The following SNX6 variants were observed in gnomAD, a reference collection of about 807,000 sequenced individuals.
The protein encoded by SNX6 is sorting nexin 6, also known as sorting nexin-6.
SNX6 carries 34 observed loss-of-function variants against 63.0 expected under a neutral mutation model. The ratio of observed to expected loss-of-function variants is 0.54; its 90% CI spans 0.41 to 0.72. The LOEUF (loss-of-function observed/expected upper bound fraction) is 0.72. SNX6 is among the 30% of genes least tolerant of loss of function. SNX6 has a pLI of 0.00. For missense variants in SNX6, 398 were observed against 471.4 expected (o/e 0.84, Z 1.44); for synonymous variants, 170 against 164.2 (o/e 1.04, Z -0.27).
chr14:34,580,660 C>CT lies in SNX6; in HGVS notation c.834+900_834+901insA, dbSNP rs1404998451. Among the ~76,000 whole-genome samples the CT allele has an allele frequency of 7.4e-5, 11 of 149,040 alleles. No individual in the cohort carries two copies. In the East Asian group the frequency reaches 2.2e-3, roughly 30 times the overall value. On this transcript the variant is annotated intron_variant, in intron 10 of 13. Coordinates refer to ENST00000362031, the MANE Select transcript of SNX6 (RefSeq NM_152233.4). ...TGTTTATCTGTTCCAGGAGGGATTCCATTTTTTTTTTTTTTTAGAGACAGG... is the reference window on the plus strand; with the variant it reads ...TGTTTATCTGTTCCAGGAGGGATTCCTATTTTTTTTTTTTTTTAGAGACAGG...
chr14:34,571,370 T>C (rs1881445442), intron 11 of SNX6, among the ~76,000 whole-genome samples: 1 of 151,728 alleles, frequency 6.6e-6, no homozygotes, highest in Non-Finnish European at 1.5e-5. Context: ...GAAATGGAGA[T>C]TACAGTGAGC....
At chr14:34,565,556 G>A (rs575159217) in intron 13 of SNX6, among the ~76,000 whole-genome samples, 34 of 151,910 alleles carry the variant, frequency 2.2e-4, no homozygotes, top group African/African-American at 8.2e-4. Context: ...TCACTCTGTC[G>A]CCCAAGCTGG....
At chr14:34,576,278 T>G (rs1173378246) in intron 10 of SNX6, among the ~76,000 whole-genome samples, 2 of 151,954 alleles carry the variant, frequency 1.3e-5, no homozygotes, top group Non-Finnish European at 2.9e-5. Flanking sequence ...ATTATTATAG[T>G]TTAAAAAATT....
chr14:34,607,090 T>C (rs963773578), intron 4 of SNX6, among the ~76,000 whole-genome samples: 1 of 152,022 alleles, frequency 6.6e-6, no homozygotes, highest in Non-Finnish European at 1.5e-5. Flanking sequence ...AACCATGGTT[T>C]TAAAACCAGT....
chr14:34,597,195 T>C (rs1882639120), intron 7 of SNX6, among the ~76,000 whole-genome samples: 1 of 152,156 alleles, frequency 6.6e-6, no homozygotes, highest in Non-Finnish European at 1.5e-5. Flanking sequence ...TAACCACTCA[T>C]GGAATACACG....
At position 34,603,398 on chromosome 14, in the gene SNX6, T is replaced by C. The variant is rs530960694; in HGVS notation, c.466A>G (p.Ile156Val). The C allele has an allele frequency of 6.8e-6, 11 of 1,610,348 alleles. No homozygotes were observed. Among genetic ancestry groups the C allele is most frequent in the East Asian group, 4.5e-5 (2 of 44,734 alleles). The stretch of plus-strand genomic sequence containing the variant: ...TGGAAATTTAAATCTCTTCTCAAAA[T>C]AGGATGTGCTGCCACACGACACAGG... ...VFLCRVAAHP[I>V]LRRDLNFHVF... is the part of the protein sequence containing the mutation. The change falls in exon 6 of 14, where the codon ATT becomes GTT. Residue 156 changes from isoleucine (I) to valine (V), a missense_variant. Physicochemically the swap from Ile to Val is conservative, Grantham distance 29. Coordinates refer to ENST00000362031, the MANE Select transcript of SNX6 (RefSeq NM_152233.4).
chr14:34,602,829 A>C (rs1882872884), intron 6 of SNX6, among the ~76,000 whole-genome samples: 1 of 150,132 alleles, frequency 6.7e-6, no homozygotes, highest in Non-Finnish European at 1.5e-5. Flanking sequence ...ACAAAAAATT[A>C]GCAGGGCATA....
Position 34,603,401 on chromosome 14 carries a change from G to A in SNX6, c.463C>T (p.Pro155Ser). 1 of 1,609,916 alleles carries A rather than the reference G, an allele frequency of 6.2e-7. No individual in the cohort carries two copies. Among genetic ancestry groups the A allele is most frequent in the Non-Finnish European group, 8.5e-7 (1 of 1,177,776 alleles). The change falls in exon 6 of 14, where the codon CCT becomes TCT. Residue 155 changes from proline (P) to serine (S), a missense_variant. Coordinates refer to ENST00000362031, the MANE Select transcript of SNX6 (RefSeq NM_152233.4). ...AAATTTAAATCTCTTCTCAAAATAG[G>A]ATGTGCTGCCACACGACACAGGAAC... is the stretch of plus-strand genomic sequence containing the variant. ...EVFLCRVAAHPILRRDLNFHV... is the reference protein window; with the variant it reads ...EVFLCRVAAHSILRRDLNFHV...
chr14:34,578,394 G>A (rs894907911), intron 10 of SNX6, among the ~76,000 whole-genome samples: 1 of 151,896 alleles, frequency 6.6e-6, no homozygotes, highest in Non-Finnish European at 1.5e-5. Context: ...CATTTTGGGA[G>A]GCTGAGGTGG....
chr14:34,584,523 C>T (rs1383797162), intron 9 of SNX6, among the ~76,000 whole-genome samples: 1 of 151,900 alleles, frequency 6.6e-6, no homozygotes, highest in South Asian at 2.1e-4. Context: ...GAGCAAGACA[C>T]CGTCTTCCGG....
chr14:34,599,605 C>CT (rs1172306091), intron 6 of SNX6, among the ~76,000 whole-genome samples: 4 of 143,716 alleles, frequency 2.8e-5, no homozygotes, highest in African/African-American at 1.0e-4. Flanking sequence ...GAAACTCTGT[C>CT]TAAAAAAAAA....
chr14:34,624,867 T>C (rs1440719220), intron 2 of SNX6, among the ~76,000 whole-genome samples: 1 of 152,224 alleles, frequency 6.6e-6, no homozygotes, highest in Non-Finnish European at 1.5e-5. Context: ...TTGAATGTGC[T>C]GTCCCCTTTG....
At chr14:34,598,420 T>C (rs1294578351) in intron 6 of SNX6, among the ~76,000 whole-genome samples, 1 of 152,190 alleles carries the variant, frequency 6.6e-6, no homozygotes, top group Admixed American at 6.5e-5. Context: ...AGACACTGTC[T>C]CCCTCTGTCA....
chr14:34,610,943 C>T (rs1883203957), intron 2 of SNX6, among the ~76,000 whole-genome samples: 1 of 152,058 alleles, frequency 6.6e-6, no homozygotes, highest in East Asian at 1.9e-4. Flanking sequence ...AATGCAAATA[C>T]AAAATTGTTT....
At chr14:34,624,813 T>G (rs34978749) in intron 2 of SNX6, among the ~76,000 whole-genome samples, 59,892 of 151,694 alleles carry the variant, frequency 0.39, 13,118 homozygotes, top group East Asian at 0.73. Context: ...AAAAAAATTT[T>G]TTTTGCTTAC....
At chr14:34,604,365 T>A in intron 5 of SNX6, 1 of 1,054,860 alleles carries the variant, frequency 9.5e-7, no homozygotes, top group South Asian at 1.9e-5. Context: ...TTCAGTCTTA[T>A]AAACTTTGAA....
intron 2 of SNX6, among the ~76,000 whole-genome samples, chr14:34,619,304 C>A (rs1299494731): frequency 3.3e-5 from 5 of 152,020 alleles, no homozygotes; most frequent in Non-Finnish European, 7.3e-5. Context: ...TGCCTGTAGT[C>A]CCTGCTACTT....
chr14:34,573,949 C>G (rs542492608), intron 11 of SNX6, among the ~76,000 whole-genome samples: 1 of 151,956 alleles, frequency 6.6e-6, no homozygotes, highest in Admixed American at 6.6e-5. Flanking sequence ...GAGCACATGG[C>G]CTTTTAAAAG....
chr14:34,622,062 G>A lies in SNX6; in HGVS notation c.54+7845C>T, dbSNP rs189911339. Among the ~76,000 whole-genome samples the A allele has an allele frequency of 6.5e-4, 96 of 146,812 alleles. 1 individual carries two copies. In the East Asian group the frequency reaches 0.018, roughly 27 times the overall value. ...CTACCTCTGCCTCCTGGGTTCAAGCGATTCTCCTGCCTCAGTTTCCCTAGT... is the reference window on the plus strand; with the variant it reads ...CTACCTCTGCCTCCTGGGTTCAAGCAATTCTCCTGCCTCAGTTTCCCTAGT... On this transcript the variant is annotated intron_variant, in intron 2 of 13. Coordinates refer to ENST00000362031, the MANE Select transcript of SNX6 (RefSeq NM_152233.4).
Sources: allele counts gnomAD v4.1 joint callset (sites outside exome capture counted in the v4.1 genomes callset), GRCh38; gene constraint gnomAD v4.1.1; transcripts MANE v1.5; gene names NCBI Gene and HGNC (gene_info 2026-07-23, HGNC 2026-07-21).